RNPC3: variants seen among roughly 807,000 people sequenced by gnomAD.
RNPC3 encodes the protein RNA binding region (RNP1, RRM) containing 3, also known as RNA-binding region-containing protein 3.
A neutral mutation model predicts 67.5 loss-of-function variants in RNPC3; 48 were observed. The ratio of observed to expected loss-of-function variants is 0.71; its 90% CI spans 0.56 to 0.90. The LOEUF (loss-of-function observed/expected upper bound fraction) is 0.90, where lower values mean the gene tolerates loss of function less well. Among genes scored for constraint, RNPC3 ranks in the 40% least tolerant of loss-of-function variants. RNPC3 has a pLI of 0.00. For missense variants in RNPC3, 637 were observed against 626.1 expected (o/e 1.02, Z -0.19); for synonymous variants, 239 against 210.3 (o/e 1.14, Z -1.18).
intron 11 of RNPC3, 54 bp downstream of exon 11, chr1:103,546,396 T>C: frequency 1.1e-6 from 1 of 912,768 alleles, no homozygotes; most frequent in Non-Finnish European, 1.6e-6. Context: ...GAAGGTTTTA[T>C]AGTTGATGTG....
At chr1:103,543,558 C>A in intron 9 of RNPC3, 111 bp downstream of exon 9, 4 of 791,726 alleles carry the variant, frequency 5.1e-6, no homozygotes, top group Non-Finnish European at 7.2e-6. Context: ...TTAAAATATG[C>A]AATTAGTGTT....
At chr1:103,554,300 A>G (rs1047181924) in intron 14 of RNPC3, 1 of 152,164 alleles carries the variant, frequency 6.6e-6, no homozygotes. Context: ...GTTGCAGTGA[A>G]CCATGATCAC....
rs1447058844 is a variant in RNPC3 at position 103,546,294 on chromosome 1, A to G, written c.1254A>G (p.Pro418=). The G allele has an allele frequency of 2.7e-6, 4 of 1,479,396 alleles. No homozygotes were observed. Among genetic ancestry groups the G allele is most frequent in the Non-Finnish European group, 3.6e-6 (4 of 1,122,584 alleles). The allele number at this position is 1,479,396 out of a possible 1,614,324, so 91.6% of individuals were successfully genotyped here. ...SVFRSYEPGE[P]NCRIYVKNLA... ...TCAGAAGTTATGAACCGGGTGAACC[A>G]AACTGTAGAATTTATGTAAAGAATT... Residue 418 remains proline, a synonymous_variant, in exon 11 of 15, where the codon CCA becomes CCG. Transcript: ENST00000423855.
chr1:103,533,618 G>A (rs1413442512), intron 2 of RNPC3, 121 bp from the exon 3 acceptor site: 8 of 633,960 alleles, frequency 1.3e-5, no homozygotes, highest in Non-Finnish European at 1.9e-5. Flanking sequence ...AAATAAATTA[G>A]GAAATAGTCA....
chr1:103,526,238 G>T lies in RNPC3; in HGVS notation c.168G>T (p.Arg56=), dbSNP rs1198907229. ...AGTACTTCGGGGCTCAGTCTGTGCG[G>T]GTCCTGTCAGATAAGGGGCGACTGG... ...LLKYFGAQSV[R]VLSDKGRLKH... is the part of the protein sequence containing the mutation. Residue 56 remains arginine, a synonymous_variant, in exon 1 of 15, where the codon CGG becomes CGT. Coordinates refer to ENST00000423855, the MANE Select transcript of RNPC3 (RefSeq NM_017619.4). 6.5e-7 allele frequency: 1 copy of T among 1,549,472 alleles called. No individual in the cohort carries two copies. The highest frequency in any genetic ancestry group is 1.4e-5 in the African/African-American group (1 of 72,960).
intron 9 of RNPC3, among the ~76,000 whole-genome samples, chr1:103,544,706 C>A (rs1196047135): frequency 6.6e-6 from 1 of 151,202 alleles, no homozygotes; most frequent in Non-Finnish European, 1.5e-5. Flanking sequence ...TAACATTTTT[C>A]TTTTTATAAA....
intron 7 of RNPC3, 70 bp from the exon 8 acceptor site, chr1:103,541,280 A>G: frequency 1.8e-5 from 21 of 1,153,418 alleles, no homozygotes; most frequent in Non-Finnish European, 2.3e-5. Context: ...TTTAACGTTA[A>G]TAGAAACAGT....
chr1:103,527,101 T>C (rs538174747), intron 1 of RNPC3, among the ~76,000 whole-genome samples: 1 of 152,310 alleles, frequency 6.6e-6, no homozygotes, highest in Non-Finnish European at 1.5e-5. Flanking sequence ...GAATGTGCGA[T>C]ATAATTATTA....
chr1:103,547,798 G>A (rs779256926), intron 12 of RNPC3, among the ~76,000 whole-genome samples: 13 of 152,252 alleles, frequency 8.5e-5, no homozygotes, highest in Admixed American at 7.2e-4. Context: ...AGACATACCC[G>A]AGAATGGGCA....
intron 3 of RNPC3, 75 bp from the exon 4 acceptor site, chr1:103,534,699 G>A (rs1650939707): frequency 1.4e-6 from 1 of 737,210 alleles, no homozygotes; most frequent in Non-Finnish European, 2.1e-6. Flanking sequence ...TGTTTGAAAA[G>A]GTAATTTATC....
At chr1:103,540,765 T>C (rs970931853) in intron 7 of RNPC3, among the ~76,000 whole-genome samples, 1 of 152,190 alleles carries the variant, frequency 6.6e-6, no homozygotes, top group African/African-American at 2.4e-5. Context: ...CTATCTTTAA[T>C]ATTAAATATT....
chr1:103,554,645 A>T (rs1334261730), intron 14 of RNPC3: 1 of 152,606 alleles, frequency 6.6e-6, no homozygotes, highest in Non-Finnish European at 1.5e-5. Flanking sequence ...TTGTTAGAGT[A>T]AAATGATTAG....
intron 1 of RNPC3, 144 bp downstream of exon 1, chr1:103,526,406 C>G (rs918965186): frequency 1.5e-6 from 1 of 647,304 alleles, no homozygotes; most frequent in South Asian, 2.3e-5. Flanking sequence ...TCTTTTTTAT[C>G]AAAATATCTG....
At position 103,530,582 on chromosome 1, in the gene RNPC3, T is replaced by C. The variant is rs1178577129; in HGVS notation, c.240+2840T>C. On this transcript the variant is annotated intron_variant, in intron 2 of 14. Transcript: ENST00000423855. The stretch of plus-strand genomic sequence containing the variant: ...TTGAAGTCAGAGAAGTCATAGAATC[T>C]ATATTATGTAGATTATAGTAAGGAA... Among the ~76,000 whole-genome samples, 8 of 152,146 alleles carry C rather than the reference T, an allele frequency of 5.3e-5. No individual in the cohort carries two copies. The East Asian group carries it at 1.5e-3, about 29-fold the overall frequency.
intron 2 of RNPC3, among the ~76,000 whole-genome samples, chr1:103,531,133 A>G (rs1320775742): frequency 6.6e-6 from 1 of 152,164 alleles, no homozygotes; most frequent in East Asian, 1.9e-4. Flanking sequence ...ACTTAGAATA[A>G]TGGTCTCCCA....
intron 2 of RNPC3, among the ~76,000 whole-genome samples, chr1:103,532,046 C>G (rs567472334): frequency 6.6e-6 from 1 of 151,994 alleles, no homozygotes; most frequent in Non-Finnish European, 1.5e-5. Context: ...CTTCTACATG[C>G]GACTTGCCAA....
At chr1:103,554,732 T>C (rs1304288933) in intron 14 of RNPC3, 1 of 152,586 alleles carries the variant, frequency 6.6e-6, no homozygotes, top group Non-Finnish European at 1.5e-5. Flanking sequence ...CTGTGTTTCT[T>C]TGTTGAAAAA....
In RNPC3 at chr1:103,534,620, A is replaced by G. The variant is rs543968568; in HGVS notation, c.360-154A>G. Among the ~76,000 whole-genome samples the G allele has an allele frequency of 2.7e-5, 4 of 148,406 alleles. No individual in the cohort carries two copies. In the East Asian group the frequency reaches 7.9e-4, roughly 29 times the overall value. ...GTTAATTTTAGTTCCCTTCCCATTT[A>G]TTGGTGTTTGCTTGAGAAATACTTG... On this transcript the variant is annotated intron_variant, in intron 3 of 14. Coordinates refer to ENST00000423855, the MANE Select transcript of RNPC3 (RefSeq NM_017619.4).
At chr1:103,538,813 T>C (rs183192611) in intron 7 of RNPC3, among the ~76,000 whole-genome samples, 194 of 152,350 alleles carry the variant, frequency 1.3e-3, no homozygotes, top group Non-Finnish European at 2.0e-3. Context: ...AGATGAATTA[T>C]TCTTTTTATT....
Sources: allele counts gnomAD v4.1 joint callset (sites outside exome capture counted in the v4.1 genomes callset), GRCh38; gene constraint gnomAD v4.1.1; transcripts MANE v1.5; gene names NCBI Gene and HGNC (gene_info 2026-07-23, HGNC 2026-07-21).